GLIS3: variants seen among roughly 807,000 people sequenced by gnomAD.
GLIS3 encodes GLIS family zinc finger 3.
Under a neutral mutation model 78.6 loss-of-function variants are expected in GLIS3, and 53 were observed. That is an observed-to-expected ratio of 0.67 (90% CI 0.54 to 0.85). GLIS3 has a LOEUF of 0.85. Ranked by LOEUF, GLIS3 falls within the 40% of genes least tolerant of loss-of-function variation. The pLI is 0.00. For synonymous variants in GLIS3, 684 were observed against 509.9 expected (o/e 1.34, Z -4.60); for missense variants, 1,703 against 1,231.1 (o/e 1.38, Z -5.74).
chr9:4,239,220 T>C (rs964409680), intron 2 of GLIS3, among the ~76,000 whole-genome samples: 4 of 146,760 alleles, frequency 2.7e-5, no homozygotes, highest in African/African-American at 1.0e-4. Context: ...TAATGCTAAA[T>C]GACGAGTTAA....
intron 4 of GLIS3, among the ~76,000 whole-genome samples, chr9:4,058,860 T>A (rs1287856704): frequency 6.6e-6 from 1 of 151,800 alleles, no homozygotes; most frequent in Non-Finnish European, 1.5e-5. Flanking sequence ...CAGGTGCCTG[T>A]AATCCCAGCT....
At chr9:3,974,505 G>A (rs1218925534) in intron 4 of GLIS3, among the ~76,000 whole-genome samples, 1 of 152,132 alleles carries the variant, frequency 6.6e-6, no homozygotes, top group African/African-American at 2.4e-5. Flanking sequence ...GGAACTGACT[G>A]GGAGCAGAAA....
At chr9:3,885,085 A>G (rs957842876) in intron 7 of GLIS3, among the ~76,000 whole-genome samples, 1 of 152,220 alleles carries the variant, frequency 6.6e-6, no homozygotes, top group Non-Finnish European at 1.5e-5. Flanking sequence ...TCCAGCTCTG[A>G]AAATTACTTC....
At chr9:4,297,996 C>G (rs994133361) in intron 1 of GLIS3, among the ~76,000 whole-genome samples, 1 of 152,142 alleles carries the variant, frequency 6.6e-6, no homozygotes, top group Admixed American at 6.5e-5. Context: ...CGGCTGCGAC[C>G]CCGTCACTCC....
At chr9:4,309,284 A>C (rs1398416375) in intron 3 of GLIS3, among the ~76,000 whole-genome samples, 1 of 152,258 alleles carries the variant, frequency 6.6e-6, no homozygotes, top group Non-Finnish European at 1.5e-5. Context: ...AAAAGCAAGA[A>C]ATAATTCAAA....
At chr9:4,402,995 A>G in the GLIS3 span, among the ~76,000 whole-genome samples, 4 of 152,238 alleles carry the variant, frequency 2.6e-5, no homozygotes, top group African/African-American at 9.6e-5. Context: ...GATTTAACCC[A>G]AAGAAGACTA....
At chr9:4,412,209 C>G in the GLIS3 span, among the ~76,000 whole-genome samples, 1 of 152,176 alleles carries the variant, frequency 6.6e-6, no homozygotes, top group Non-Finnish European at 1.5e-5. Context: ...AGGGCTTATC[C>G]TGCTATGATA....
intron 4 of GLIS3, among the ~76,000 whole-genome samples, chr9:4,088,819 G>A (rs1250528132): frequency 6.6e-6 from 1 of 152,194 alleles, no homozygotes; most frequent in Non-Finnish European, 1.5e-5. Context: ...TAAAGCCAAG[G>A]CCAAAATGGA....
intron 2 of GLIS3, among the ~76,000 whole-genome samples, chr9:4,280,113 G>A (rs1352152549): frequency 6.6e-6 from 1 of 152,172 alleles, no homozygotes. Context: ...TCAAACTCCT[G>A]GACTCAAGTG....
the GLIS3 span, among the ~76,000 whole-genome samples, chr9:4,377,630 G>A: frequency 1.3e-5 from 1 of 77,650 alleles, no homozygotes; most frequent in Non-Finnish European, 3.2e-5. Flanking sequence ...TCGCAAAGTA[G>A]TGTGAAGATT....
At chr9:3,925,092 G>C (rs1283563095) in intron 6 of GLIS3, among the ~76,000 whole-genome samples, 1 of 152,148 alleles carries the variant, frequency 6.6e-6, no homozygotes, top group African/African-American at 2.4e-5. Flanking sequence ...AGGGGGAATA[G>C]AAATAAAACT....
chr9:3,875,652 G>A (rs1821261467), intron 8 of GLIS3: 1 of 152,178 alleles, frequency 6.6e-6, no homozygotes, highest in African/African-American at 2.4e-5. Context: ...TTTTATGCTG[G>A]ACACTAACGC....
intron 1 of GLIS3, among the ~76,000 whole-genome samples, chr9:4,295,029 C>T (rs1017668495): frequency 3.3e-5 from 5 of 152,160 alleles, no homozygotes; most frequent in Non-Finnish European, 7.3e-5. Flanking sequence ...TAGTCTTTTC[C>T]TTTCTCTACT....
intron 9 of GLIS3, among the ~76,000 whole-genome samples, chr9:3,846,644 G>A (rs931627107): frequency 8.5e-5 from 13 of 152,134 alleles, no homozygotes; most frequent in African/African-American, 3.1e-4. Flanking sequence ...GTTTTCTTAA[G>A]CAAAGGACTG....
chr9:3,999,377 C>T (rs1202180170), intron 4 of GLIS3, among the ~76,000 whole-genome samples: 1 of 152,078 alleles, frequency 6.6e-6, no homozygotes, highest in African/African-American at 2.4e-5. Context: ...GCATTCTCAC[C>T]AGCAATGAGT....
chr9:4,202,270 C>T (rs1819472641), intron 2 of GLIS3, among the ~76,000 whole-genome samples: 1 of 150,078 alleles, frequency 6.7e-6, no homozygotes, highest in Non-Finnish European at 1.5e-5. Flanking sequence ...CCTGCCTCAG[C>T]CTCCCGAGTA....
chr9:4,401,564 T>C, the GLIS3 span, among the ~76,000 whole-genome samples: 1 of 146,406 alleles, frequency 6.8e-6, no homozygotes, highest in African/African-American at 2.6e-5. Flanking sequence ...GTGCCTGTCC[T>C]TTCTTTCTTT....
Position 3,984,238 on chromosome 9 carries a change from C to A in GLIS3, c.1711-47049G>T, listed in dbSNP as rs117267985. On this transcript the variant is annotated intron_variant, in intron 4 of 10. Coordinates refer to ENST00000381971, the MANE Select transcript of GLIS3 (RefSeq NM_001042413.2). ...CTGGTAGATCCACTGACAGCTTGCACTTTGTACCTAGAAAAGTTGCAGACA... is the reference window on the plus strand; with the variant it reads ...CTGGTAGATCCACTGACAGCTTGCAATTTGTACCTAGAAAAGTTGCAGACA... 1.0e-3 allele frequency among the ~76,000 whole-genome samples: 152 copies of A among 152,364 alleles called. 2 individuals carry two copies. In the East Asian group the frequency reaches 0.027, roughly 27 times the overall value.
intron 7 of GLIS3, among the ~76,000 whole-genome samples, chr9:3,890,624 T>C (rs561473326): frequency 6.6e-4 from 100 of 152,224 alleles, no homozygotes; most frequent in African/African-American, 2.3e-3. Context: ...ATTATTATTA[T>C]AGAAAAGGAA....
Sources: gnomAD v4.1 joint callset for allele counts (sites outside exome capture counted in the v4.1 genomes callset) on GRCh38, gnomAD v4.1.1 for gene constraint, MANE v1.5 for transcripts, NCBI Gene and HGNC (gene_info 2026-07-23, HGNC 2026-07-21) for gene names.